AK5: variants seen among roughly 807,000 people sequenced by gnomAD.
AK5 encodes adenylate kinase isoenzyme 5.
Under a neutral mutation model 69.5 loss-of-function variants are expected in AK5, and 27 were observed. The ratio of observed to expected loss-of-function variants is 0.39; its 90% CI spans 0.29 to 0.54. The LOEUF is 0.54. AK5 is among the 20% of genes least tolerant of loss of function. AK5 has a pLI of 0.71. For synonymous variants in AK5, 260 were observed against 244.4 expected (o/e 1.06, Z -0.60); for missense variants, 531 against 700.4 (o/e 0.76, Z 2.73).
intron 8 of AK5, among the ~76,000 whole-genome samples, chr1:77,461,313 G>A (rs1174453695): frequency 4.6e-5 from 7 of 151,636 alleles, no homozygotes; most frequent in African/African-American, 1.2e-4. Context: ...GATTACAGGC[G>A]TGAGCCACCG....
intron 6 of AK5, among the ~76,000 whole-genome samples, chr1:77,363,648 T>TC (rs1171570622): frequency 1.3e-5 from 2 of 152,050 alleles, no homozygotes; most frequent in Non-Finnish European, 2.9e-5. Context: ...TCTCTCACTG[T>TC]CCCCCCACTG....
At position 77,428,106 on chromosome 1, in the gene AK5, G is replaced by A. The variant is rs1339878952; in HGVS notation, c.1059+10391G>A. 3.9e-5 allele frequency among the ~76,000 whole-genome samples: 6 copies of A among 152,268 alleles called. No homozygotes were observed. The Middle Eastern group carries it at 0.01, about 259-fold the overall frequency. On this transcript the variant is annotated intron_variant, in intron 8 of 13. Transcript: ENST00000354567. ...CCTCCAAATCGTATTAATGACAGTG[G>A]CTTTTTAGATATAGCACCAAAGGTA...
intron 6 of AK5, among the ~76,000 whole-genome samples, chr1:77,391,914 A>C (rs1218364530): frequency 1.3e-5 from 2 of 152,196 alleles, no homozygotes; most frequent in Non-Finnish European, 2.9e-5. Flanking sequence ...AGTCATTTAT[A>C]GCTTCATAGA....
Position 77,293,977 on chromosome 1 carries a change from C to A in AK5, c.415+17C>A. ...TTGTTATAGGTATGAGGACAGAAAGCAAAAATTCTCATACCGTTGCTGCCT... is the reference window on the plus strand; with the variant it reads ...TTGTTATAGGTATGAGGACAGAAAGAAAAAATTCTCATACCGTTGCTGCCT... On this transcript the variant is annotated intron_variant, in intron 3 of 13. Coordinates refer to ENST00000354567, the MANE Select transcript of AK5 (RefSeq NM_174858.3). The A allele has an allele frequency of 6.3e-7, 1 of 1,596,238 alleles. No individual in the cohort carries two copies. The highest frequency in any genetic ancestry group is 1.8e-5 in the Admixed American group (1 of 55,498).
intron 13 of AK5, among the ~76,000 whole-genome samples, chr1:77,542,795 T>C (rs1056331001): frequency 6.6e-6 from 1 of 152,146 alleles, no homozygotes; most frequent in Non-Finnish European, 1.5e-5. Context: ...TTTTTTTCCA[T>C]TTTTATATAC....
chr1:77,459,788 G>A (rs1465350841), intron 8 of AK5, among the ~76,000 whole-genome samples: 2 of 152,126 alleles, frequency 1.3e-5, no homozygotes, highest in Non-Finnish European at 2.9e-5. Flanking sequence ...ACCAATAAAA[G>A]GAGTTAGAAA....
chr1:77,300,928 G>A (rs371327474), intron 5 of AK5, among the ~76,000 whole-genome samples: 17 of 152,026 alleles, frequency 1.1e-4, no homozygotes, highest in East Asian at 3.9e-4. Flanking sequence ...AAGGTTTTGC[G>A]TTAACTTAGT....
intron 8 of AK5, among the ~76,000 whole-genome samples, chr1:77,459,393 A>G (rs985186661): frequency 1.4e-4 from 21 of 151,964 alleles, no homozygotes; most frequent in African/African-American, 4.6e-4. Context: ...TTGCCAATTT[A>G]TTTCTCTGTG....
At chr1:77,290,811 G>A (rs1479049437) in intron 2 of AK5, among the ~76,000 whole-genome samples, 1 of 152,104 alleles carries the variant, frequency 6.6e-6, no homozygotes, top group Non-Finnish European at 1.5e-5. Flanking sequence ...CATTCTTTTA[G>A]GACTGAAAAT....
chr1:77,483,242 G>T, intron 8 of AK5, 75 bp from the exon 9 acceptor site: 5 of 1,041,730 alleles, frequency 4.8e-6, no homozygotes, highest in South Asian at 3.8e-5. Flanking sequence ...GGAAGTTCAA[G>T]TAGGCCAGTG....
intron 8 of AK5, among the ~76,000 whole-genome samples, chr1:77,431,445 G>A (rs1228987471): frequency 1.3e-5 from 2 of 152,166 alleles, no homozygotes; most frequent in Non-Finnish European, 2.9e-5. Flanking sequence ...GGTTCACACA[G>A]TGATGGAATT....
intron 9 of AK5, among the ~76,000 whole-genome samples, chr1:77,485,875 G>A (rs141123607): frequency 0.018 from 2,709 of 152,290 alleles, 43 homozygotes; most frequent in Non-Finnish European, 0.024. Flanking sequence ...CCAGGACTTT[G>A]GGAGGCCAAG....
chr1:77,446,846 G>A (rs958745599), intron 8 of AK5, among the ~76,000 whole-genome samples: 19 of 152,202 alleles, frequency 1.2e-4, no homozygotes, highest in African/African-American at 4.1e-4. Context: ...GTAACACAGT[G>A]CTGATTATAA....
chr1:77,404,399 T>A (rs1255705402), intron 6 of AK5, among the ~76,000 whole-genome samples: 1 of 152,012 alleles, frequency 6.6e-6, no homozygotes, highest in African/African-American at 2.4e-5. Context: ...TCGTTTCTGC[T>A]TGTTAAGTAT....
intron 10 of AK5, among the ~76,000 whole-genome samples, chr1:77,498,174 T>G (rs1208010777): frequency 6.6e-6 from 1 of 152,148 alleles, no homozygotes; most frequent in Non-Finnish European, 1.5e-5. Flanking sequence ...GAGGAAAATT[T>G]TCTTCTGGGA....
intron 8 of AK5, among the ~76,000 whole-genome samples, chr1:77,434,376 C>A (rs1651834466): frequency 6.6e-6 from 1 of 152,124 alleles, no homozygotes; most frequent in Non-Finnish European, 1.5e-5. Flanking sequence ...TAAACCTAAT[C>A]ATTTAATATC....
chr1:77,321,701 G>A lies in AK5; in HGVS notation c.700-18676G>A, dbSNP rs1400642676. On this transcript the variant is annotated intron_variant, in intron 5 of 13. Transcript: ENST00000354567. Reference sequence around the variant, plus strand: ...CCCCCTAATATTGGGAATTGTGAGGGTGTCGGCTTTTACCATTTCTATTTA... The same window carrying A: ...CCCCCTAATATTGGGAATTGTGAGGATGTCGGCTTTTACCATTTCTATTTA... Among the ~76,000 whole-genome samples, 4 of 152,168 alleles carry A rather than the reference G, an allele frequency of 2.6e-5. No homozygotes were observed. In the South Asian group the frequency reaches 8.3e-4, roughly 32 times the overall value.
At chr1:77,438,977 A>G (rs1652138980) in intron 8 of AK5, among the ~76,000 whole-genome samples, 1 of 152,164 alleles carries the variant, frequency 6.6e-6, no homozygotes, top group Non-Finnish European at 1.5e-5. Context: ...GAGAGTCAGA[A>G]AATCTGAGAA....
chr1:77,470,500 G>C (rs1007383031), intron 8 of AK5, among the ~76,000 whole-genome samples: 5 of 152,018 alleles, frequency 3.3e-5, no homozygotes, highest in Admixed American at 6.6e-5. Context: ...GTGAGACCCT[G>C]ACTCAAATAA....
Sources: allele counts gnomAD v4.1 joint callset (sites outside exome capture counted in the v4.1 genomes callset), GRCh38; gene constraint gnomAD v4.1.1; transcripts MANE v1.5; gene names NCBI Gene and HGNC (gene_info 2026-07-23, HGNC 2026-07-21).